Variants in KDM4C observed in about 807,000 individuals in gnomAD.
KDM4C encodes the protein lysine demethylase 4C.
A neutral mutation model predicts 129.3 loss-of-function variants in KDM4C; 81 were observed. That is an observed-to-expected ratio of 0.63 (90% CI 0.52 to 0.75). The LOEUF (loss-of-function observed/expected upper bound fraction) is 0.75, where lower values mean the gene tolerates loss of function less well. Among genes scored for constraint, KDM4C ranks in the 30% least tolerant of loss-of-function variants. KDM4C has a pLI of 0.00. For synonymous variants in KDM4C, 573 were observed against 456.1 expected, an observed-to-expected ratio of 1.26 and a Z score of -3.26; for missense variants, 1,457 against 1,304.0, an observed-to-expected ratio of 1.12 and a Z score of -1.81.
chr9:7,069,257 C>T (rs188257185), intron 17 of KDM4C, among the ~76,000 whole-genome samples: 43 of 152,278 alleles, frequency 2.8e-4, no homozygotes, highest in African/African-American at 1.0e-3. Flanking sequence ...ATGTAGTCTA[C>T]ATTTTAAAAT....
At chr9:7,157,867 C>T (rs1254599249) in intron 19 of KDM4C, among the ~76,000 whole-genome samples, 1 of 152,212 alleles carries the variant, frequency 6.6e-6, no homozygotes, top group Non-Finnish European at 1.5e-5. Context: ...ATGCTGGCCT[C>T]ATAAAATGAG....
At chr9:6,823,455 A>G (rs558626828) in intron 4 of KDM4C, among the ~76,000 whole-genome samples, 1 of 152,338 alleles carries the variant, frequency 6.6e-6, no homozygotes, top group South Asian at 2.1e-4. Context: ...AGTTTTCTGC[A>G]GGTCACTGGA....
At chr9:7,136,578 A>G (rs1841230851) in intron 19 of KDM4C, among the ~76,000 whole-genome samples, 1 of 152,236 alleles carries the variant, frequency 6.6e-6, no homozygotes, top group South Asian at 2.1e-4. Context: ...CCTATTGACT[A>G]ATGATTTGAG....
At chr9:7,015,006 G>C (rs1414671906) in intron 14 of KDM4C, among the ~76,000 whole-genome samples, 1 of 151,430 alleles carries the variant, frequency 6.6e-6, no homozygotes, top group Non-Finnish European at 1.5e-5. Flanking sequence ...CAAAATAATT[G>C]GGATATAATC....
At chr9:7,039,104 C>G (rs929512526) in intron 15 of KDM4C, among the ~76,000 whole-genome samples, 41 of 151,944 alleles carry the variant, frequency 2.7e-4, no homozygotes, top group African/African-American at 9.9e-4. Context: ...CTAACTTCAT[C>G]AGTATATTTT....
At chr9:7,158,176 TC>T (rs1434979500) in intron 19 of KDM4C, among the ~76,000 whole-genome samples, 2 of 151,840 alleles carry the variant, frequency 1.3e-5, no homozygotes, top group African/African-American at 4.8e-5. Flanking sequence ...ATGGTAGTAT[TC>T]TCTGTGGGAT....
chr9:7,007,736 C>T (rs968773087), intron 12 of KDM4C, among the ~76,000 whole-genome samples: 2 of 152,008 alleles, frequency 1.3e-5, no homozygotes, highest in East Asian at 1.9e-4. Context: ...CTTTTATTTC[C>T]TTTTTTGTGG....
intron 15 of KDM4C, among the ~76,000 whole-genome samples, chr9:7,028,609 A>G (rs1587035023): frequency 6.6e-6 from 1 of 152,018 alleles, no homozygotes; most frequent in Non-Finnish European, 1.5e-5. Flanking sequence ...AGTAAGTTGA[A>G]TGTCCAGTGG....
intron 4 of KDM4C, among the ~76,000 whole-genome samples, chr9:6,839,817 C>G (rs1214955086): frequency 6.6e-6 from 1 of 151,904 alleles, no homozygotes; most frequent in East Asian, 2.0e-4. Flanking sequence ...TCAGGAGAAT[C>G]GCTTGAACCT....
intron 17 of KDM4C, among the ~76,000 whole-genome samples, chr9:7,072,960 C>T (rs1302658809): frequency 6.6e-6 from 1 of 151,898 alleles, no homozygotes; most frequent in African/African-American, 2.4e-5. Flanking sequence ...AATGATAGCT[C>T]AGTGATGTAG....
chr9:6,833,558 T>C (rs1476505465), intron 4 of KDM4C, among the ~76,000 whole-genome samples: 2 of 152,148 alleles, frequency 1.3e-5, no homozygotes, highest in Admixed American at 1.3e-4. Context: ...AACTGTGAGG[T>C]CTTGGCAAGT....
At chr9:6,744,523 C>CA (rs1449829158) in intron 1 of KDM4C, among the ~76,000 whole-genome samples, 7 of 150,418 alleles carry the variant, frequency 4.7e-5, no homozygotes, top group South Asian at 2.1e-4. Flanking sequence ...GACTTCATCT[C>CA]AAAAAAAAGA....
chr9:7,007,246 A>G (rs866771731), intron 12 of KDM4C, among the ~76,000 whole-genome samples: 1 of 152,212 alleles, frequency 6.6e-6, no homozygotes, highest in South Asian at 2.1e-4. Context: ...ACTGCTTTGT[A>G]TTTAGGCTCA....
At chr9:6,868,396 A>C (rs923559354) in intron 5 of KDM4C, among the ~76,000 whole-genome samples, 6 of 152,124 alleles carry the variant, frequency 3.9e-5, no homozygotes, top group African/African-American at 1.4e-4. Flanking sequence ...GTGTGCCATA[A>C]AAAGCAGTTT....
Position 7,169,859 on chromosome 9 carries a change from A to G in KDM4C, c.2963A>G (p.Glu988Gly), listed in dbSNP as rs768421473. The G allele has an allele frequency of 1.9e-6, 3 of 1,613,978 alleles. No homozygotes were observed. The South Asian group carries it at 3.3e-5, about 18-fold the overall frequency. The part of the protein sequence containing the change: ...MKREDIYTLD[E>G]ELPKRVKARF... ...AGAGAGGACATCTACACTTTAGATGAAGAGTTACCCAAGAGAGTGAAAGCT... is the reference window on the plus strand; with the variant it reads ...AGAGAGGACATCTACACTTTAGATGGAGAGTTACCCAAGAGAGTGAAAGCT... The change falls in exon 21 of 22, where the codon GAA becomes GGA. Residue 988 changes from glutamate (E) to glycine (G), a missense_variant. Coordinates refer to ENST00000381309, the MANE Select transcript of KDM4C (RefSeq NM_015061.6).
chr9:6,881,011 C>T (rs1588901569), intron 6 of KDM4C, among the ~76,000 whole-genome samples: 1 of 152,162 alleles, frequency 6.6e-6, no homozygotes, highest in African/African-American at 2.4e-5. Flanking sequence ...AGGATTGAGT[C>T]CTCAGTGAGC....
At chr9:7,111,713 C>G (rs1399079292) in intron 18 of KDM4C, among the ~76,000 whole-genome samples, 1 of 152,056 alleles carries the variant, frequency 6.6e-6, no homozygotes, top group Non-Finnish European at 1.5e-5. Flanking sequence ...ACGGGGGAGT[C>G]AGGATGGAGT....
At chr9:6,938,401 T>A (rs1825210099) in intron 8 of KDM4C, among the ~76,000 whole-genome samples, 2 of 152,202 alleles carry the variant, frequency 1.3e-5, no homozygotes, top group Non-Finnish European at 2.9e-5. Flanking sequence ...TCTTTTGTTC[T>A]CCTCTACAGG....
intron 2 of KDM4C, among the ~76,000 whole-genome samples, chr9:6,799,308 A>G (rs1588345931): frequency 6.6e-6 from 1 of 152,244 alleles, no homozygotes; most frequent in African/African-American, 2.4e-5. Flanking sequence ...TCTGTCTGCA[A>G]TCCCGGCATC....
Sources: gnomAD v4.1 joint callset for allele counts (sites outside exome capture counted in the v4.1 genomes callset) on GRCh38, gnomAD v4.1.1 for gene constraint, MANE v1.5 for transcripts, NCBI Gene and HGNC (gene_info 2026-07-23, HGNC 2026-07-21) for gene names.